CHCHD3: variants seen among roughly 807,000 people sequenced by gnomAD.
CHCHD3 encodes MICOS complex subunit MIC19.
In CHCHD3, 20 loss-of-function variants were observed where a neutral mutation model predicts 38.2. That is an observed-to-expected ratio of 0.52 (90% CI 0.37 to 0.76). The LOEUF (loss-of-function observed/expected upper bound fraction) is 0.76. CHCHD3 is among the 30% of genes least tolerant of loss of function. The pLI, the probability that CHCHD3 is intolerant of heterozygous loss-of-function variation, is 0.00. For synonymous variants in CHCHD3, 82 were observed against 100.0 expected (o/e 0.82, Z 1.07); for missense variants, 245 against 279.2 (o/e 0.88, Z 0.87).
chr7:132,986,210 C>T lies in CHCHD3; in HGVS notation c.252-10924G>A, dbSNP rs556550947. ...TAAACAGATGCTTGAAGGCAGCATG[C>T]TCGTTAAGAGTCATCACCACTCCCT... On this transcript the variant is annotated intron_variant, in intron 3 of 7. Coordinates refer to ENST00000262570, the MANE Select transcript of CHCHD3 (RefSeq NM_017812.4). Among the ~76,000 whole-genome samples, 33 of 148,984 alleles carry T rather than the reference C, an allele frequency of 2.2e-4. No homozygotes were observed. The East Asian group carries it at 2.6e-3, about 12-fold the overall frequency.
At chr7:133,052,931 A>C (rs1248779466) in intron 2 of CHCHD3, among the ~76,000 whole-genome samples, 4 of 152,176 alleles carry the variant, frequency 2.6e-5, no homozygotes, top group African/African-American at 9.7e-5. Context: ...AGCCTGAAGA[A>C]TTATTCTAAC....
Position 133,066,541 on chromosome 7 carries a change from C to CA in CHCHD3, c.169+3600dup, listed in dbSNP as rs376308985. ...AAGTGATGGGATTACAGGCATGAGC[C>CA]ACCAAGCCTGGCCCACAAGATGGCA... is the stretch of plus-strand genomic sequence containing the variant. On this transcript the variant is annotated intron_variant, in intron 2 of 7. Coordinates refer to ENST00000262570, the MANE Select transcript of CHCHD3 (RefSeq NM_017812.4). 5.2e-3 allele frequency among the ~76,000 whole-genome samples: 785 copies of CA among 152,268 alleles called. 6 individuals carry two copies. Among genetic ancestry groups the CA allele is most frequent in the Middle Eastern group, 0.024 (7 of 294 alleles).
At chr7:133,057,195 T>A (rs12534241) in intron 2 of CHCHD3, among the ~76,000 whole-genome samples, 39 of 152,294 alleles carry the variant, frequency 2.6e-4, no homozygotes, top group Admixed American at 2.4e-3. Flanking sequence ...GAGGTGTTTG[T>A]TCAACTAAAA....
chr7:132,960,421 G>C (rs1811287842), intron 4 of CHCHD3, among the ~76,000 whole-genome samples: 1 of 152,096 alleles, frequency 6.6e-6, no homozygotes, highest in African/African-American at 2.4e-5. Context: ...TTTAGAACTT[G>C]TTCTTTTTGA....
chr7:132,872,913 G>A (rs1385664989), intron 5 of CHCHD3, among the ~76,000 whole-genome samples: 1 of 151,962 alleles, frequency 6.6e-6, no homozygotes, highest in Non-Finnish European at 1.5e-5. Context: ...CATCAGCCGG[G>A]CAGACATGGT....
intron 6 of CHCHD3, among the ~76,000 whole-genome samples, chr7:132,807,746 A>C (rs1806968828): frequency 6.6e-6 from 1 of 151,150 alleles, no homozygotes; most frequent in Non-Finnish European, 1.5e-5. Flanking sequence ...GTTGCTTCCA[A>C]GCAGGGGAGT....
intron 6 of CHCHD3, among the ~76,000 whole-genome samples, chr7:132,824,012 C>T (rs1040142026): frequency 1.3e-5 from 2 of 152,160 alleles, no homozygotes; most frequent in Non-Finnish European, 2.9e-5. Context: ...CAGAACTAAT[C>T]TTTACTATGT....
At chr7:132,827,851 A>G (rs1360886911) in intron 6 of CHCHD3, among the ~76,000 whole-genome samples, 2 of 152,178 alleles carry the variant, frequency 1.3e-5, no homozygotes, top group East Asian at 3.8e-4. Context: ...ATGTATCGAT[A>G]GTTTGCTCTT....
chr7:133,038,011 A>T (rs972878045), intron 2 of CHCHD3, among the ~76,000 whole-genome samples: 36 of 152,188 alleles, frequency 2.4e-4, no homozygotes, highest in Non-Finnish European at 4.9e-4. Context: ...TTCAGTTTTT[A>T]AAAAACACCT....
chr7:132,919,189 A>C (rs979804142), intron 4 of CHCHD3, among the ~76,000 whole-genome samples: 26 of 136,814 alleles, frequency 1.9e-4, no homozygotes, highest in Non-Finnish European at 3.5e-4. Flanking sequence ...GCTCACTGCA[A>C]GCTCCGCCTC....
At chr7:133,067,753 C>T (rs1423040801) in intron 2 of CHCHD3, among the ~76,000 whole-genome samples, 1 of 152,192 alleles carries the variant, frequency 6.6e-6, no homozygotes, top group Non-Finnish European at 1.5e-5. Flanking sequence ...TTTCTACCTC[C>T]CTTACAGTCT....
intron 4 of CHCHD3, among the ~76,000 whole-genome samples, chr7:132,961,720 T>C (rs1232953131): frequency 6.6e-6 from 1 of 152,244 alleles, no homozygotes; most frequent in Non-Finnish European, 1.5e-5. Context: ...GTACCTTCGA[T>C]CCACAGAACT....
intron 4 of CHCHD3, among the ~76,000 whole-genome samples, chr7:132,940,557 T>C (rs988651711): frequency 1.3e-5 from 2 of 152,194 alleles, no homozygotes; most frequent in African/African-American, 2.4e-5. Flanking sequence ...GAATAAACCA[T>C]GGCCGTCCTT....
chr7:133,040,388 C>A (rs1180206185), intron 2 of CHCHD3, among the ~76,000 whole-genome samples: 1 of 152,114 alleles, frequency 6.6e-6, no homozygotes, highest in East Asian at 1.9e-4. Context: ...TTCCCGCATG[C>A]AGTAAGCCAT....
chr7:132,786,285 C>A (rs1187363206), intron 7 of CHCHD3, among the ~76,000 whole-genome samples: 1 of 152,188 alleles, frequency 6.6e-6, no homozygotes, highest in Non-Finnish European at 1.5e-5. Context: ...AGGGATCAAA[C>A]CCCAACTCCA....
At chr7:133,026,036 C>A (rs1813327566) in intron 2 of CHCHD3, among the ~76,000 whole-genome samples, 1 of 152,176 alleles carries the variant, frequency 6.6e-6, no homozygotes, top group Admixed American at 6.5e-5. Flanking sequence ...GACTATCAGA[C>A]TGCAACAGCA....
intron 2 of CHCHD3, among the ~76,000 whole-genome samples, chr7:133,036,925 T>A (rs1201143305): frequency 6.6e-6 from 1 of 152,186 alleles, no homozygotes; most frequent in East Asian, 1.9e-4. Flanking sequence ...TTTTTTAACC[T>A]ACAGAAAAGA....
chr7:132,815,653 A>G (rs895689946), intron 6 of CHCHD3: 1 of 452,664 alleles, frequency 2.2e-6, no homozygotes, highest in Non-Finnish European at 4.4e-6. Flanking sequence ...AAAAGTGAAA[A>G]GAGAACAGAG....
chr7:132,954,740 C>T (rs763201192), intron 4 of CHCHD3, among the ~76,000 whole-genome samples: 1 of 152,156 alleles, frequency 6.6e-6, no homozygotes, highest in Non-Finnish European at 1.5e-5. Context: ...AGCAGTCCCA[C>T]TGAGGGGCCA....
Sources: gnomAD v4.1 joint callset for allele counts (sites outside exome capture counted in the v4.1 genomes callset) on GRCh38, gnomAD v4.1.1 for gene constraint, MANE v1.5 for transcripts, NCBI Gene and HGNC (gene_info 2026-07-23, HGNC 2026-07-21) for gene names.